GPR19: variants seen among roughly 807,000 people sequenced by gnomAD.
The protein encoded by GPR19 is probable G protein-coupled receptor 19.
Under a neutral mutation model 28.5 loss-of-function variants are expected in GPR19, and 14 were observed. The ratio of observed to expected loss-of-function variants is 0.49; its 90% CI spans 0.32 to 0.77. The LOEUF (loss-of-function observed/expected upper bound fraction) is 0.77, where lower values mean the gene tolerates loss of function less well. GPR19 is among the 30% of genes least tolerant of loss of function. GPR19 has a pLI of 0.03. For synonymous variants in GPR19, 173 were observed against 184.1 expected, an observed-to-expected ratio of 0.94 and a Z score of 0.49; for missense variants, 409 against 504.1, an observed-to-expected ratio of 0.81 and a Z score of 1.81.
the GPR19 span, among the ~76,000 whole-genome samples, chr12:12,705,972 C>T: frequency 6.6e-6 from 1 of 152,156 alleles, no homozygotes; most frequent in South Asian, 2.1e-4. Flanking sequence ...CTTGCTTCCC[C>T]GTCAGCCAGC....
In GPR19 at chr12:12,677,148, T is replaced by C. The variant is rs181915921; in HGVS notation, c.-23+7203A>G. ...CCGGGTAAATTTTGATCTGTACCAC[T>C]GTCCTCAGTCAGGGTTTTCTAGAAA... On this transcript the variant is annotated intron_variant, in intron 3 of 3. Coordinates refer to ENST00000651487, the MANE Select transcript of GPR19 (RefSeq NM_006143.3). Among the ~76,000 whole-genome samples, 56 of 152,232 alleles carry C rather than the reference T, an allele frequency of 3.7e-4. No individual in the cohort carries two copies. In the East Asian group the frequency reaches 0.01, roughly 27 times the overall value.
At chr12:12,714,649 TA>T in the GPR19 span, among the ~76,000 whole-genome samples, 1 of 151,754 alleles carries the variant, frequency 6.6e-6, no homozygotes, top group South Asian at 2.1e-4. Flanking sequence ...TTCCGTCTTT[TA>T]CCAGGGTCCA....
At chr12:12,678,544 C>T (rs73281125) in intron 3 of GPR19, among the ~76,000 whole-genome samples, 2,083 of 152,196 alleles carry the variant, frequency 0.014, 38 homozygotes, top group African/African-American at 0.048. Flanking sequence ...ACTAGTTCTC[C>T]GAGTCTACTA....
the GPR19 span, chr12:12,716,805 G>C: frequency 1.0e-6 from 1 of 985,134 alleles, no homozygotes; most frequent in Admixed American, 6.1e-5. Flanking sequence ...ATTGCCCACT[G>C]CCTCCACCAG....
intron 3 of GPR19, 66 bp from the exon 4 acceptor site, chr12:12,662,536 C>G: frequency 9.4e-6 from 11 of 1,168,592 alleles, no homozygotes; most frequent in Non-Finnish European, 1.4e-5. Context: ...GTTATGATTA[C>G]TCAGGCTAAC....
chr12:12,717,027 T>C, the GPR19 span: 1 of 1,002,452 alleles, frequency 1.0e-6, no homozygotes, highest in South Asian at 4.7e-5. Context: ...AGGTCGGGGC[T>C]TAGGCGCCGC....
At chr12:12,669,047 C>G (rs1945821101) in intron 3 of GPR19, 1 of 152,218 alleles carries the variant, frequency 6.6e-6, no homozygotes, top group South Asian at 2.1e-4. Context: ...ATTGGCTGTA[C>G]ATGGGTAAGT....
the GPR19 span, chr12:12,703,449 G>A: frequency 2.0e-6 from 2 of 984,002 alleles, no homozygotes; most frequent in East Asian, 1.1e-4. Context: ...TGAAAGGTTC[G>A]CAGGTAAATG....
At chr12:12,667,234 A>G (rs1267504230) in intron 3 of GPR19, among the ~76,000 whole-genome samples, 2 of 152,204 alleles carry the variant, frequency 1.3e-5, no homozygotes, top group Non-Finnish European at 2.9e-5. Context: ...TGAGACTACC[A>G]TTTGACATAC....
chr12:12,691,235 C>G (rs1368133742), intron 2 of GPR19, among the ~76,000 whole-genome samples: 1 of 152,004 alleles, frequency 6.6e-6, no homozygotes, highest in Non-Finnish European at 1.5e-5. Context: ...CAAAGTCAAA[C>G]AGAGGGAGGA....
At chr12:12,711,225 T>G in the GPR19 span, among the ~76,000 whole-genome samples, 1 of 139,220 alleles carries the variant, frequency 7.2e-6, no homozygotes, top group African/African-American at 2.7e-5. Flanking sequence ...ACCTGGGAGG[T>G]GGAGGTTGCA....
At chr12:12,707,777 G>A in the GPR19 span, among the ~76,000 whole-genome samples, 6 of 151,428 alleles carry the variant, frequency 4.0e-5, no homozygotes, top group African/African-American at 1.5e-4. Flanking sequence ...GGAGTGCAGT[G>A]GTGCCATCAT....
chr12:12,695,319 G>A (rs1592271475), intron 2 of GPR19, 140 bp downstream of exon 2: 2 of 152,338 alleles, frequency 1.3e-5, no homozygotes, highest in Middle Eastern at 6.8e-3. Flanking sequence ...ACACATCTGA[G>A]TAATGTGGTA....
intron 3 of GPR19, among the ~76,000 whole-genome samples, chr12:12,666,100 T>C (rs1232589695): frequency 6.6e-6 from 1 of 152,142 alleles, no homozygotes; most frequent in African/African-American, 2.4e-5. Context: ...AGAGATAGCA[T>C]GTGGATTGAA....
At chr12:12,714,894 T>TGTAA in the GPR19 span, among the ~76,000 whole-genome samples, 25 of 152,356 alleles carry the variant, frequency 1.6e-4, no homozygotes, top group Middle Eastern at 3.4e-3. Context: ...GTGAGGTCGA[T>TGTAA]GTAAGCACAG....
rs563343616 is a variant in GPR19, at chr12:12,690,923, GCTTTC to G, written c.-180+4531_-180+4535del. ...TTTGAGCAAGTTGGAAGTTTAATTA[GCTTTC>G]CAATCAACCAAATTTCTGCATTCGA... On this transcript the variant is annotated intron_variant, in intron 2 of 3. Coordinates refer to ENST00000651487, the MANE Select transcript of GPR19 (RefSeq NM_006143.3). Among the ~76,000 whole-genome samples, 295 of 152,234 alleles carry G rather than the reference GCTTTC, an allele frequency of 1.9e-3. 1 individual carries two copies. Among genetic ancestry groups the G allele is most frequent in the Non-Finnish European group, 3.0e-3 (201 of 68,010 alleles).
intron 3 of GPR19, among the ~76,000 whole-genome samples, chr12:12,680,168 A>G (rs1168312832): frequency 6.6e-6 from 1 of 152,238 alleles, no homozygotes; most frequent in East Asian, 1.9e-4. Context: ...ATCCAAAAAC[A>G]TGTTTTAAAA....
chr12:12,686,536 C>T (rs1450015836), intron 2 of GPR19, among the ~76,000 whole-genome samples: 1 of 152,140 alleles, frequency 6.6e-6, no homozygotes, highest in African/African-American at 2.4e-5. Flanking sequence ...TGTTTACATA[C>T]ATTATGTCAT....
At chr12:12,683,620 C>T (rs1946053755) in intron 3 of GPR19, among the ~76,000 whole-genome samples, 1 of 152,134 alleles carries the variant, frequency 6.6e-6, no homozygotes, top group Admixed American at 6.5e-5. Flanking sequence ...TAGAACAGTG[C>T]CTTGCACATT....
Sources: gnomAD v4.1 joint callset for allele counts (sites outside exome capture counted in the v4.1 genomes callset) on GRCh38, gnomAD v4.1.1 for gene constraint, MANE v1.5 for transcripts, NCBI Gene and HGNC (gene_info 2026-07-23, HGNC 2026-07-21) for gene names.